The following IQCB1 variants were observed in gnomAD, a reference collection of about 807,000 sequenced individuals.
IQCB1 encodes the protein IQ calmodulin-binding motif-containing protein 1.
IQCB1 carries 56 observed loss-of-function variants against 84.4 expected under a neutral mutation model. That is an observed-to-expected ratio of 0.66 (90% confidence interval 0.54 to 0.83). IQCB1 has a LOEUF of 0.83. IQCB1 is among the 40% of genes least tolerant of loss of function. IQCB1 has a pLI of 0.00. For missense variants in IQCB1, 629 were observed against 682.1 expected, an observed-to-expected ratio of 0.92 and a Z score of 0.87; for synonymous variants, 210 against 234.8, an observed-to-expected ratio of 0.89 and a Z score of 0.96.
At chr3:121,815,928 C>CAAAAAAAAAAAAAAA (rs36019026) in intron 5 of IQCB1, among the ~76,000 whole-genome samples, 1 of 88,778 alleles carries the variant, frequency 1.1e-5, no homozygotes, top group Non-Finnish European at 2.2e-5. Flanking sequence ...CATGTGGAAC[C>CAAAAAAAAAAAAAAA]AAAAAAAAAA....
Position 121,788,291 on chromosome 3 carries a change from T to G in IQCB1, c.1271A>C (p.Gln424Pro). 1 of 1,613,978 alleles carries G rather than the reference T, an allele frequency of 6.2e-7. No homozygotes were observed. Among genetic ancestry groups the G allele is most frequent in the Non-Finnish European group, 8.5e-7 (1 of 1,179,950 alleles). Residue 424 changes from glutamine (Q) to proline (P), a missense_variant, in exon 12 of 15, where the codon CAA becomes CCA. Gln to Pro is a moderately conservative substitution (Grantham distance 76). Coordinates refer to ENST00000310864, the MANE Select transcript of IQCB1 (RefSeq NM_001023570.4). ...LIEYKAAVTL[Q>P]RAALKFLAKC... The stretch of plus-strand genomic sequence containing the variant: ...TCACTACATTAGACTCACTGCTCTT[T>G]GAAGTGTGACAGCTGCTTTATACTC...
chr3:121,809,069 T>C (rs1464366561), intron 5 of IQCB1, 60 bp from the exon 6 acceptor site: 1 of 935,046 alleles, frequency 1.1e-6, no homozygotes, highest in Non-Finnish European at 1.7e-6. Context: ...TTTTTTTTTT[T>C]TAAGGAGACT....
At chr3:121,818,948 GA>G (rs1304535770) in intron 5 of IQCB1, among the ~76,000 whole-genome samples, 5 of 152,114 alleles carry the variant, frequency 3.3e-5, no homozygotes, top group Non-Finnish European at 5.9e-5. Flanking sequence ...TTTCAATAAG[GA>G]AAATCAACTT....
intron 13 of IQCB1, among the ~76,000 whole-genome samples, chr3:121,779,019 T>C (rs775027349): frequency 2.0e-5 from 3 of 152,128 alleles, no homozygotes; most frequent in Non-Finnish European, 4.4e-5. Context: ...TGTATACATA[T>C]GTAACAAACA....
At chr3:121,790,328 G>A (rs1475386495) in intron 10 of IQCB1, 113 bp from the exon 11 acceptor site, 1 of 900,588 alleles carries the variant, frequency 1.1e-6, no homozygotes, top group Non-Finnish European at 1.8e-6. Context: ...ATAATTTCTA[G>A]TGTTAATAAG....
chr3:121,828,644 G>A lies in IQCB1; in HGVS notation c.101-12C>T. ...GATGTTTATTATTTCTAAGGCAAAA[G>A]GAAATAAGATATATTTATTTTTGCT... is the stretch of plus-strand genomic sequence containing the variant. On this transcript the variant is annotated splice_polypyrimidine_tract_variant and intron_variant, in intron 3 of 14. Coordinates refer to ENST00000310864, the MANE Select transcript of IQCB1 (RefSeq NM_001023570.4). The A allele has an allele frequency of 1.3e-6, 2 of 1,563,992 alleles. No homozygotes were observed. Among genetic ancestry groups the A allele is most frequent in the Non-Finnish European group, 1.8e-6 (2 of 1,135,858 alleles).
Position 121,788,393 on chromosome 3 carries a change from G to C in IQCB1, c.1169C>G (p.Ser390Ter). 6.2e-7 allele frequency: 1 copy of C among 1,613,716 alleles called. No individual in the cohort carries two copies. The highest frequency in any genetic ancestry group is 8.5e-7 in the Non-Finnish European group (1 of 1,179,754). The part of the protein sequence containing the change: ...EKHYREMEEK[S>*]ALIIQKHWRG... ...CCAATGTTTCTGGATAATCAGTGCT[G>C]ATTTCTCTTCCATTTCCCGATAGTG... Residue 390 changes from serine to a stop codon, truncating the protein, a stop_gained, in exon 12 of 15, where the codon TCA (serine) becomes TGA (stop). Coordinates refer to ENST00000310864, the MANE Select transcript of IQCB1 (RefSeq NM_001023570.4). LOFTEE classifies it high-confidence loss of function.
chr3:121,809,498 C>T (rs543934068), intron 5 of IQCB1, among the ~76,000 whole-genome samples: 1 of 152,146 alleles, frequency 6.6e-6, no homozygotes, highest in African/African-American at 2.4e-5. Flanking sequence ...TAGTGTATTT[C>T]AGTTCCAGTT....
intron 5 of IQCB1, among the ~76,000 whole-genome samples, chr3:121,811,536 G>A (rs1949829783): frequency 6.6e-6 from 1 of 152,178 alleles, no homozygotes; most frequent in Non-Finnish European, 1.5e-5. Flanking sequence ...CTCGCTCCCA[G>A]CACAACAGTC....
intron 10 of IQCB1, among the ~76,000 whole-genome samples, 196 bp from the exon 11 acceptor site, chr3:121,790,411 A>G (rs1323700373): frequency 6.6e-6 from 1 of 152,222 alleles, no homozygotes; most frequent in African/African-American, 2.4e-5. Context: ...ATATGCATTA[A>G]AAGTCTGGAA....
In IQCB1 at chr3:121,781,632, TACACACACACACACAC is replaced by T. The variant is rs57816005; in HGVS notation, c.1410+95_1410+110del. 1,256 of 810,144 alleles carry T rather than the reference TACACACACACACACAC, an allele frequency of 1.6e-3. 1 individual carries two copies. Among genetic ancestry groups the T allele is most frequent in the Admixed American group, 4.4e-3 (226 of 50,924 alleles). 50.2% of individuals were successfully genotyped at this position (810,144 alleles called of 1,614,324 possible). A position where few individuals can be genotyped will look rare whatever the true frequency, so the allele number is the denominator to read the frequency against. On this transcript the variant is annotated intron_variant, in intron 13 of 14. Coordinates refer to ENST00000310864, the MANE Select transcript of IQCB1 (RefSeq NM_001023570.4). ...CATTACCTTATACCAGCAATAAATG[TACACACACACACACAC>T]ACACACACACACACAATATATGTGT...
chr3:121,793,299 A>G (rs1482971108), intron 10 of IQCB1, among the ~76,000 whole-genome samples: 1 of 152,204 alleles, frequency 6.6e-6, no homozygotes, highest in African/African-American at 2.4e-5. Flanking sequence ...AAATGACTAA[A>G]TAAAAAAGAA....
chr3:121,823,734 G>A (rs551538201), intron 5 of IQCB1, among the ~76,000 whole-genome samples: 49 of 152,224 alleles, frequency 3.2e-4, no homozygotes, highest in African/African-American at 1.2e-3. Context: ...CAGGCTTAAA[G>A]GAAATGATAC....
intron 12 of IQCB1, among the ~76,000 whole-genome samples, chr3:121,786,168 C>CAAAAGAAAAGAAA (rs1948707262): frequency 4.2e-5 from 1 of 23,976 alleles, no homozygotes; most frequent in Non-Finnish European, 9.3e-5. Flanking sequence ...GAGATTCTGT[C>CAAAAGAAAAGAAA]TCAAAAGAAA....
At position 121,784,025 on chromosome 3, in the gene IQCB1, T is replaced by C. The variant is rs574184303; in HGVS notation, c.1279-2151A>G. On this transcript the variant is annotated intron_variant, in intron 12 of 14. Coordinates refer to ENST00000310864, the MANE Select transcript of IQCB1 (RefSeq NM_001023570.4). The stretch of plus-strand genomic sequence containing the variant: ...TATGAAACAAATGTAGAAGTGTTTC[T>C]GTCACTGTATTGGACACTTAATTGG... Among the ~76,000 whole-genome samples the C allele has an allele frequency of 6.6e-5, 10 of 152,380 alleles. No individual in the cohort carries two copies. In the South Asian group the frequency reaches 2.1e-3, roughly 32 times the overall value.
chr3:121,809,574 G>A (rs538041295), intron 5 of IQCB1, among the ~76,000 whole-genome samples: 4 of 151,992 alleles, frequency 2.6e-5, no homozygotes, highest in Non-Finnish European at 5.9e-5. Flanking sequence ...TCAGTTTCTA[G>A]GACAGTTCTG....
chr3:121,828,047 C>T (rs1950516980), intron 4 of IQCB1, among the ~76,000 whole-genome samples: 1 of 152,172 alleles, frequency 6.6e-6, no homozygotes, highest in African/African-American at 2.4e-5. Context: ...TATCAGTTCT[C>T]CTATAGTACT....
At chr3:121,779,380 C>T (rs950853759) in intron 13 of IQCB1, among the ~76,000 whole-genome samples, 2 of 152,094 alleles carry the variant, frequency 1.3e-5, no homozygotes, top group Admixed American at 1.3e-4. Flanking sequence ...AGTATGGCTT[C>T]ACCTATATTA....
At chr3:121,781,235 C>G (rs1316595166) in intron 13 of IQCB1, among the ~76,000 whole-genome samples, 4 of 152,132 alleles carry the variant, frequency 2.6e-5, no homozygotes, top group African/African-American at 9.7e-5. Context: ...AGGTGACCTG[C>G]CATCCTGTGG....
Sources: gnomAD v4.1 joint callset for allele counts (sites outside exome capture counted in the v4.1 genomes callset) on GRCh38, gnomAD v4.1.1 for gene constraint, MANE v1.5 for transcripts, NCBI Gene and HGNC (gene_info 2026-07-23, HGNC 2026-07-21) for gene names.